Variants in CREM observed in about 807,000 individuals in gnomAD.
CREM encodes cAMP responsive element modulator, also known as cAMP-responsive element modulator.
Under a neutral mutation model 37.3 loss-of-function variants are expected in CREM, and 13 were observed. The observed-to-expected ratio is 0.35, with a 90% CI of 0.23 to 0.55. The LOEUF is 0.55. Among genes scored for constraint, CREM ranks in the 20% least tolerant of loss-of-function variants. CREM has a pLI of 0.88. For missense variants in CREM, 296 were observed against 362.3 expected (o/e 0.82, Z 1.49); for synonymous variants, 124 against 120.2 (o/e 1.03, Z -0.21).
At chr10:35,167,774 G>C in intron 3 of CREM, 1 of 1,614,112 alleles carries the variant, frequency 6.2e-7, no homozygotes, top group Non-Finnish European at 8.5e-7. Flanking sequence ...TATAGAAGAG[G>C]ATTATTCTTC....
chr10:35,175,150 A>T (rs2132911973), intron 3 of CREM, among the ~76,000 whole-genome samples: 1 of 152,358 alleles, frequency 6.6e-6, no homozygotes, highest in Admixed American at 6.5e-5. Context: ...CACACATTTA[A>T]TAAAAATAAT....
intron 3 of CREM, 33 bp from the exon 4 acceptor site, chr10:35,178,856 T>C (rs931893527): frequency 1.3e-6 from 2 of 1,549,598 alleles, no homozygotes; most frequent in Non-Finnish European, 1.8e-6. Flanking sequence ...AGCATATATT[T>C]TATGATACAT....
chr10:35,187,099 T>C (rs563484610), intron 5 of CREM, among the ~76,000 whole-genome samples: 2 of 50,504 alleles, frequency 4.0e-5, no homozygotes, highest in South Asian at 7.8e-4. Flanking sequence ...ATAATATATA[T>C]GATATATATT....
intron 3 of CREM, among the ~76,000 whole-genome samples, chr10:35,174,912 CCT>C (rs1219672004): frequency 6.6e-6 from 1 of 152,108 alleles, no homozygotes; most frequent in African/African-American, 2.4e-5. Flanking sequence ...ATAGTTCTGG[CCT>C]CTCTGGATGC....
intron 6 of CREM, among the ~76,000 whole-genome samples, chr10:35,199,275 C>T (rs1248783737): frequency 6.6e-6 from 1 of 152,132 alleles, no homozygotes; most frequent in Non-Finnish European, 1.5e-5. Flanking sequence ...TTCAGTAAAC[C>T]AAATCTGCAG....
intron 1 of CREM, among the ~76,000 whole-genome samples, chr10:35,133,585 C>G (rs1016881861): frequency 6.6e-6 from 1 of 152,232 alleles, no homozygotes; most frequent in Non-Finnish European, 1.5e-5. Flanking sequence ...AGGCGTGAGC[C>G]ATGGCGCCTG....
At chr10:35,148,062 T>C (rs978828606) in intron 2 of CREM, among the ~76,000 whole-genome samples, 3 of 152,220 alleles carry the variant, frequency 2.0e-5, no homozygotes, top group Non-Finnish European at 4.4e-5. Flanking sequence ...CGCATATACA[T>C]ATGAGTTACC....
intron 5 of CREM, among the ~76,000 whole-genome samples, chr10:35,183,801 G>A (rs552077858): frequency 4.6e-5 from 7 of 152,374 alleles, no homozygotes; most frequent in East Asian, 1.9e-4. Context: ...TGGGCCGGGC[G>A]TGATGGTTCA....
chr10:35,203,720 T>G (rs1588828165), intron 6 of CREM, among the ~76,000 whole-genome samples: 1 of 152,124 alleles, frequency 6.6e-6, no homozygotes, highest in Non-Finnish European at 1.5e-5. Context: ...AAAAAGTTTT[T>G]TTTTTTGTTT....
intron 3 of CREM, among the ~76,000 whole-genome samples, chr10:35,160,708 A>G (rs1265967628): frequency 5.3e-5 from 8 of 152,266 alleles, no homozygotes; most frequent in Admixed American, 5.2e-4. Context: ...CACTTAGCTT[A>G]AAACACAAAC....
At chr10:35,159,327 A>G (rs964357700) in intron 3 of CREM, among the ~76,000 whole-genome samples, 4 of 152,204 alleles carry the variant, frequency 2.6e-5, no homozygotes, top group Non-Finnish European at 4.4e-5. Context: ...TTCAAAATAT[A>G]CTATAGAGCT....
At chr10:35,169,475 C>A (rs566996679) in intron 3 of CREM, among the ~76,000 whole-genome samples, 92 of 152,300 alleles carry the variant, frequency 6.0e-4, no homozygotes, top group Middle Eastern at 3.4e-3. Flanking sequence ...AGTTGCTTAT[C>A]AGCTTAAGGA....
At position 35,212,884 on chromosome 10, in the gene CREM, C is replaced by T. The variant is rs1174104752; in HGVS notation, c.*1486C>T. ...CAGCTGAGGTTCATTACAATCGAGA[C>T]TGCAATGTGATCTATGTTTCATCTT... On this transcript the variant is annotated 3_prime_UTR_variant, in exon 8 of 8. Transcript: ENST00000685392. 6.5e-6 allele frequency: 1 copy of T among 152,768 alleles called. No individual in the cohort carries two copies. The highest frequency in any genetic ancestry group is 1.5e-5 in the Non-Finnish European group (1 of 68,032). The allele number at this position is 152,768 out of a possible 1,614,324, so 9.5% of individuals were successfully genotyped here. A position where few individuals can be genotyped will look rare whatever the true frequency, so the allele number is the denominator to read the frequency against.
intron 3 of CREM, among the ~76,000 whole-genome samples, chr10:35,161,587 C>T (rs757394372): frequency 1.3e-5 from 2 of 151,664 alleles, no homozygotes; most frequent in African/African-American, 2.4e-5. Context: ...CACTTGAACC[C>T]GGGAGGCAGA....
chr10:35,212,055 A>G lies in CREM; in HGVS notation c.*657A>G, dbSNP rs1055507116. On this transcript the variant is annotated 3_prime_UTR_variant, in exon 8 of 8. Coordinates refer to ENST00000685392, the MANE Select transcript of CREM (RefSeq NM_183011.2). ...TTTGTAAGGCTTGTTCCAATGCCAC[A>G]TACTTGCAGCTCCCATTCTATGTGT... 8.8e-6 allele frequency: 3 copies of G among 339,042 alleles called. No homozygotes were observed. The highest frequency in any genetic ancestry group is 4.5e-5 in the Admixed American group (1 of 22,264). 21.0% of individuals were successfully genotyped at this position (339,042 alleles called of 1,614,324 possible). A position where few individuals can be genotyped will look rare whatever the true frequency, so the allele number is the denominator to read the frequency against.
intron 3 of CREM, among the ~76,000 whole-genome samples, chr10:35,155,631 CT>C (rs35872146): frequency 0.92 from 134,264 of 145,864 alleles, 62,735 homozygotes; most frequent in Non-Finnish European, 1. Flanking sequence ...CTTTTCTTTT[CT>C]TTTTTTTTTT....
chr10:35,206,826 A>T (rs571992231), intron 6 of CREM, 69 bp from the exon 7 acceptor site: 22 of 1,413,074 alleles, frequency 1.6e-5, no homozygotes, highest in Admixed American at 1.0e-4. Context: ...TCATTTCCAG[A>T]TCAGTTTTAT....
chr10:35,164,372 G>T (rs1013144032), intron 3 of CREM, among the ~76,000 whole-genome samples: 1 of 152,174 alleles, frequency 6.6e-6, no homozygotes, highest in Admixed American at 6.6e-5. Context: ...GGAATCCTTT[G>T]TAAAGTAACA....
At chr10:35,187,208 AT>A (rs2094679315) in intron 5 of CREM, among the ~76,000 whole-genome samples, 1 of 73,528 alleles carries the variant, frequency 1.4e-5, no homozygotes, top group Non-Finnish European at 2.7e-5. Flanking sequence ...TATAATATAT[AT>A]TATATATTTA....
Sources: allele counts gnomAD v4.1 joint callset (sites outside exome capture counted in the v4.1 genomes callset), GRCh38; gene constraint gnomAD v4.1.1; transcripts MANE v1.5; gene names NCBI Gene and HGNC (gene_info 2026-07-23, HGNC 2026-07-21).